Variants in SCP2 observed in about 807,000 individuals in gnomAD.
SCP2 encodes the protein sterol carrier protein 2, also known as SCP-2/3-oxoacyl-CoA thiolase.
In SCP2, 48 loss-of-function variants were observed where a neutral mutation model predicts 71.4. That is an observed-to-expected ratio of 0.67 (90% confidence interval 0.53 to 0.86). The LOEUF (loss-of-function observed/expected upper bound fraction) is 0.86. Ranked by LOEUF, SCP2 falls within the 40% of genes least tolerant of loss-of-function variation. SCP2 has a pLI of 0.00. For missense variants in SCP2, 560 were observed against 655.6 expected, an observed-to-expected ratio of 0.85 and a Z score of 1.59; for synonymous variants, 220 against 218.1, an observed-to-expected ratio of 1.01 and a Z score of -0.08.
rs948366793 is a variant in SCP2, at chr1:52,993,556, A to T, written c.1081+5420A>T. 2.5e-6 allele frequency: 4 copies of T among 1,612,110 alleles called. No individual in the cohort carries two copies. In the African/African-American group the frequency reaches 5.3e-5, roughly 22 times the overall value. On this transcript the variant is annotated intron_variant, in intron 11 of 15. Coordinates refer to ENST00000371514, the MANE Select transcript of SCP2 (RefSeq NM_002979.5). ...AAAAGACCAACAGGAAGCCCTCGCC[A>T]GTCCTCATATACTGTTCTCTCATGG... is the stretch of plus-strand genomic sequence containing the variant.
At position 53,027,979 on chromosome 1, in the gene SCP2, A is replaced by T; in HGVS notation, c.1246A>T (p.Thr416Ser). Residue 416 changes from threonine (T) to serine (S), a missense_variant, in exon 13 of 16, where the codon ACT (threonine) becomes TCT (serine). Physicochemically the swap from Thr to Ser is moderately conservative, Grantham distance 58. Coordinates refer to ENST00000371514, the MANE Select transcript of SCP2 (RefSeq NM_002979.5). ...GFPEAASSFR[T>S]HQIEAVPTSS... ...GTTTCTTTTCCCCAGTTCTTTTAGA[A>T]CTCATCAAATTGAAGCTGTTCCAAC... 1.3e-6 allele frequency: 2 copies of T among 1,594,174 alleles called. No individual in the cohort carries two copies. The highest frequency in any genetic ancestry group is 1.7e-6 in the Non-Finnish European group (2 of 1,162,084).
At chr1:53,037,391 C>T (rs1167119611) in intron 13 of SCP2, among the ~76,000 whole-genome samples, 2 of 152,030 alleles carry the variant, frequency 1.3e-5, no homozygotes, top group South Asian at 2.1e-4. Context: ...TTGATCGCAG[C>T]GTATTGTCAT....
intron 1 of SCP2, among the ~76,000 whole-genome samples, chr1:52,930,245 G>T (rs1653018258): frequency 6.6e-6 from 1 of 151,664 alleles, no homozygotes; most frequent in South Asian, 2.1e-4. Flanking sequence ...AAACTTATTT[G>T]TAACAACTGA....
At chr1:53,035,913 G>A (rs1164084011) in intron 13 of SCP2, among the ~76,000 whole-genome samples, 3 of 151,522 alleles carry the variant, frequency 2.0e-5, no homozygotes, top group South Asian at 2.1e-4. Flanking sequence ...CCAGCTACTC[G>A]GGAGGCTGAG....
chr1:52,961,037 C>G (rs150403579), intron 5 of SCP2, among the ~76,000 whole-genome samples: 1,652 of 150,688 alleles, frequency 0.011, 13 homozygotes, highest in Non-Finnish European at 0.018. Flanking sequence ...CAGGTGTGAG[C>G]CACCACGCCC....
chr1:52,957,673 A>G (rs2150135999), intron 5 of SCP2, among the ~76,000 whole-genome samples: 1 of 152,382 alleles, frequency 6.6e-6, no homozygotes, highest in Admixed American at 6.5e-5. Context: ...AATTTTAACA[A>G]AGTCCAGCTT....
At chr1:52,954,867 A>G (rs1486755946) in intron 5 of SCP2, 63 bp downstream of exon 5, 2 of 1,127,934 alleles carry the variant, frequency 1.8e-6, no homozygotes, top group Admixed American at 1.7e-5. Flanking sequence ...GAAAGGTGAT[A>G]CTTACATGTA....
intron 15 of SCP2, chr1:53,049,272 C>T (rs1664046914): frequency 6.6e-6 from 1 of 152,180 alleles, no homozygotes; most frequent in African/African-American, 2.4e-5. Context: ...TTTGTACTGC[C>T]CATTTTGGGG....
At chr1:52,989,778 C>CA (rs59803095) in intron 11 of SCP2, among the ~76,000 whole-genome samples, 5,968 of 151,506 alleles carry the variant, frequency 0.039, 211 homozygotes, top group East Asian at 0.19. Flanking sequence ...ACAAAATAAC[C>CA]AAAAAAAAGG....
intron 2 of SCP2, among the ~76,000 whole-genome samples, chr1:52,943,216 A>G (rs1020290590): frequency 1.3e-5 from 2 of 150,656 alleles, no homozygotes; most frequent in Non-Finnish European, 2.9e-5. Flanking sequence ...GGTTCCCAAC[A>G]TGGTGGGTTC....
At chr1:52,971,100 C>A (rs527954879) in intron 6 of SCP2, among the ~76,000 whole-genome samples, 1 of 151,368 alleles carries the variant, frequency 6.6e-6, no homozygotes, top group South Asian at 2.1e-4. Flanking sequence ...CTCAGCCTCC[C>A]GAGTAGCTGG....
chr1:52,960,833 A>G (rs1222433578), intron 5 of SCP2, among the ~76,000 whole-genome samples: 2 of 146,812 alleles, frequency 1.4e-5, no homozygotes, highest in Non-Finnish European at 3.0e-5. Flanking sequence ...GCTCACTGCA[A>G]TCTTCACCTC....
At chr1:53,017,047 A>C (rs2150231113) in intron 12 of SCP2, among the ~76,000 whole-genome samples, 1 of 152,312 alleles carries the variant, frequency 6.6e-6, no homozygotes, top group African/African-American at 2.4e-5. Flanking sequence ...AATTTAGACC[A>C]GTTTTGAACA....
chr1:53,007,842 T>C (rs1158544541), intron 11 of SCP2, among the ~76,000 whole-genome samples: 1 of 151,954 alleles, frequency 6.6e-6, no homozygotes, highest in Non-Finnish European at 1.5e-5. Context: ...ATCCAGGAGC[T>C]GGTTTTTTGA....
intron 8 of SCP2, 103 bp downstream of exon 8, chr1:52,976,872 C>T: frequency 1.4e-6 from 1 of 721,116 alleles, no homozygotes; most frequent in Non-Finnish European, 2.6e-6. Flanking sequence ...GCGGAGCTTT[C>T]ACAGAACTCC....
intron 11 of SCP2, among the ~76,000 whole-genome samples, chr1:53,003,739 C>A (rs1660463516): frequency 6.6e-6 from 1 of 151,976 alleles, no homozygotes; most frequent in Non-Finnish European, 1.5e-5. Context: ...GCTTCCCAGG[C>A]TGGTCTCAAA....
At chr1:53,014,779 C>T (rs1249850822) in intron 11 of SCP2, 111 bp from the exon 12 acceptor site, 7 of 1,224,994 alleles carry the variant, frequency 5.7e-6, no homozygotes, top group Non-Finnish European at 8.2e-6. Flanking sequence ...ACTATTTACA[C>T]AAACGTGGCC....
At chr1:53,046,062 C>T (rs2150275266) in intron 14 of SCP2, among the ~76,000 whole-genome samples, 1 of 152,270 alleles carries the variant, frequency 6.6e-6, no homozygotes, top group Non-Finnish European at 1.5e-5. Context: ...CCAGTTGATG[C>T]ACATTTGGGT....
intron 9 of SCP2, among the ~76,000 whole-genome samples, chr1:52,979,138 A>G (rs1199946380): frequency 6.6e-6 from 1 of 152,092 alleles, no homozygotes; most frequent in Non-Finnish European, 1.5e-5. Context: ...TTTCCTGGTT[A>G]TAGTACATTT....
Sources: allele counts gnomAD v4.1 joint callset (sites outside exome capture counted in the v4.1 genomes callset), GRCh38; gene constraint gnomAD v4.1.1; transcripts MANE v1.5; gene names NCBI Gene and HGNC (gene_info 2026-07-23, HGNC 2026-07-21).